The following DPP6 variants were observed in gnomAD, a reference collection of about 807,000 sequenced individuals.
DPP6 encodes A-type potassium channel modulatory protein DPP6.
In DPP6, 69 loss-of-function variants were observed where a neutral mutation model predicts 122.6. The observed-to-expected ratio is 0.56, with a 90% CI of 0.46 to 0.69. DPP6 has a LOEUF of 0.69. Ranked by LOEUF, DPP6 falls within the 30% of genes least tolerant of loss-of-function variation. The pLI is 0.00. For synonymous variants in DPP6, 418 were observed against 433.1 expected (o/e 0.97, Z 0.43); for missense variants, 928 against 1,116.9 (o/e 0.83, Z 2.41).
intron 1 of DPP6, among the ~76,000 whole-genome samples, chr7:153,892,502 C>T (rs1462298242): frequency 1.3e-5 from 2 of 151,950 alleles, no homozygotes; most frequent in Admixed American, 6.6e-5. Context: ...TTAGTAGAGA[C>T]GAGGTTTTGC....
chr7:154,831,937 C>T (rs1800662019), intron 16 of DPP6, among the ~76,000 whole-genome samples: 1 of 152,200 alleles, frequency 6.6e-6, no homozygotes, highest in African/African-American at 2.4e-5. Flanking sequence ...ACATAGGCTT[C>T]TATGGCCCTC....
chr7:154,691,902 T>TACTCACTATCAGA (rs1253544726), intron 7 of DPP6, among the ~76,000 whole-genome samples: 1 of 151,944 alleles, frequency 6.6e-6, no homozygotes, highest in African/African-American at 2.4e-5. Context: ...CTCACAAAGG[T>TACTCACTATCAGA]GGTTAGTGTT....
chr7:153,889,443 A>T (rs1037224010), intron 1 of DPP6, among the ~76,000 whole-genome samples: 18 of 152,178 alleles, frequency 1.2e-4, no homozygotes, highest in Admixed American at 1.0e-3. Context: ...GCTGAGGCTG[A>T]AGTTAAGGAT....
chr7:154,796,884 CTG>C (rs1798079307), intron 12 of DPP6, among the ~76,000 whole-genome samples: 1 of 152,200 alleles, frequency 6.6e-6, no homozygotes, highest in African/African-American at 2.4e-5. Context: ...TGTTTCTGCT[CTG>C]TGTCAATCTT....
intron 1 of DPP6, among the ~76,000 whole-genome samples, chr7:154,155,922 C>T (rs1796654774): frequency 6.6e-6 from 1 of 152,180 alleles, no homozygotes; most frequent in African/African-American, 2.4e-5. Context: ...CAATGGTTGT[C>T]TTAGAAAACC....
At chr7:154,419,415 G>T (rs766941253) in intron 1 of DPP6, among the ~76,000 whole-genome samples, 1 of 152,176 alleles carries the variant, frequency 6.6e-6, no homozygotes, top group Non-Finnish European at 1.5e-5. Flanking sequence ...CTTAGTTCTG[G>T]ATATGTTTGC....
Position 154,469,553 on chromosome 7 carries a change from G to A in DPP6, c.359-5386G>A, listed in dbSNP as rs138223708. On this transcript the variant is annotated intron_variant, in intron 2 of 25. Coordinates refer to ENST00000377770, the MANE Select transcript of DPP6 (RefSeq NM_130797.4). ...CTGCCAGTGGGACAGTTTAATTCAG[G>A]AATAGGTCAAAATCCCCAAGGTTCA... 2.5e-4 allele frequency among the ~76,000 whole-genome samples: 38 copies of A among 152,226 alleles called. No homozygotes were observed. In the East Asian group the frequency reaches 6.8e-3, roughly 27 times the overall value.
At position 154,364,549 on chromosome 7, in the gene DPP6, G is replaced by A. The variant is rs943596300; in HGVS notation, c.244-81665G>A. 7.2e-5 allele frequency among the ~76,000 whole-genome samples: 11 copies of A among 152,304 alleles called. No homozygotes were observed. The East Asian group carries it at 2.1e-3, about 29-fold the overall frequency. On this transcript the variant is annotated intron_variant, in intron 1 of 25. Transcript: ENST00000377770. ...GGCAGGAGGTGAGGGCAGGGGCGGT[G>A]GGGTGGGGGGTTGCATTCTGGAAGA...
At chr7:154,192,266 C>T (rs1798651838) in intron 1 of DPP6, among the ~76,000 whole-genome samples, 1 of 152,242 alleles carries the variant, frequency 6.6e-6, no homozygotes, top group Non-Finnish European at 1.5e-5. Context: ...TTGATAGCAT[C>T]ACTGATTCCT....
At chr7:153,862,279 T>G in the DPP6 span, among the ~76,000 whole-genome samples, 1 of 152,208 alleles carries the variant, frequency 6.6e-6, no homozygotes, top group Non-Finnish European at 1.5e-5. Flanking sequence ...CGTTAATACC[T>G]CCTACTGTGC....
chr7:154,164,317 G>A (rs566380745), intron 1 of DPP6, among the ~76,000 whole-genome samples: 1 of 145,634 alleles, frequency 6.9e-6, no homozygotes, highest in African/African-American at 2.5e-5. Context: ...TGAACATTCT[G>A]TCTCATTTCC....
At chr7:154,575,404 T>C in intron 5 of DPP6, among the ~76,000 whole-genome samples, 1 of 126,744 alleles carries the variant, frequency 7.9e-6, no homozygotes, top group Non-Finnish European at 1.6e-5. Context: ...AGTGTGTGTG[T>C]GGTGTTTGTG....
intron 10 of DPP6, among the ~76,000 whole-genome samples, chr7:154,790,771 G>T (rs945488339): frequency 2.2e-5 from 3 of 138,890 alleles, no homozygotes; most frequent in African/African-American, 7.9e-5. Flanking sequence ...TTTCCTCAGT[G>T]CAACAGCCTC....
the DPP6 span, among the ~76,000 whole-genome samples, chr7:153,846,683 G>T: frequency 1.6e-5 from 2 of 126,282 alleles, no homozygotes; most frequent in African/African-American, 6.1e-5. Flanking sequence ...AAGGTGGCTT[G>T]GTTCTTTTTT....
intron 10 of DPP6, among the ~76,000 whole-genome samples, chr7:154,782,711 TG>T (rs1174922350): frequency 6.6e-6 from 1 of 152,166 alleles, no homozygotes; most frequent in Non-Finnish European, 1.5e-5. Context: ...AGGAAGTGCT[TG>T]TCCCCACCCC....
At chr7:154,145,093 G>A (rs1796024653) in intron 1 of DPP6, among the ~76,000 whole-genome samples, 1 of 152,168 alleles carries the variant, frequency 6.6e-6, no homozygotes, top group Admixed American at 6.5e-5. Flanking sequence ...CTCAAGCACT[G>A]ATTTCAGTGC....
intron 5 of DPP6, among the ~76,000 whole-genome samples, chr7:154,603,656 C>CAAAAAAAAAAA (rs779501891): frequency 3.6e-4 from 9 of 24,974 alleles, no homozygotes; most frequent in African/African-American, 1.0e-3. Context: ...AACTCTGTCT[C>CAAAAAAAAAAA]AAAAAAAAAA....
the DPP6 span, among the ~76,000 whole-genome samples, chr7:153,753,976 C>T: frequency 6.6e-6 from 1 of 152,268 alleles, no homozygotes; most frequent in African/African-American, 2.4e-5. Flanking sequence ...TGTGAAAAAG[C>T]TGATGAAGTG....
At chr7:154,325,572 T>C (rs764292655) in intron 1 of DPP6, among the ~76,000 whole-genome samples, 1 of 152,226 alleles carries the variant, frequency 6.6e-6, no homozygotes, top group Non-Finnish European at 1.5e-5. Context: ...GAATCTCTCC[T>C]GTGATGGAAA....
Sources: allele counts gnomAD v4.1 joint callset (sites outside exome capture counted in the v4.1 genomes callset), GRCh38; gene constraint gnomAD v4.1.1; transcripts MANE v1.5; gene names NCBI Gene and HGNC (gene_info 2026-07-23, HGNC 2026-07-21).